Variants in ZKSCAN7 observed in about 807,000 individuals in gnomAD.
ZKSCAN7 encodes zinc finger protein with KRAB and SCAN domains 7.
Under a neutral mutation model 65.3 loss-of-function variants are expected in ZKSCAN7, and 38 were observed. The ratio of observed to expected loss-of-function variants is 0.58; its 90% CI spans 0.45 to 0.76. The LOEUF is 0.76. Ranked by LOEUF, ZKSCAN7 falls within the 30% of genes least tolerant of loss-of-function variation. ZKSCAN7 has a pLI of 0.00. For synonymous variants in ZKSCAN7, 321 were observed against 321.0 expected (o/e 1.00, Z 0.00); for missense variants, 815 against 913.3 (o/e 0.89, Z 1.39).
At position 44,571,219 on chromosome 3, in the gene ZKSCAN7, C is replaced by G; in HGVS notation, c.2109C>G (p.Ser703Arg). The change falls in exon 6 of 6, where the codon AGC becomes AGG. Residue 703 changes from serine (S) to arginine (R), a missense_variant. Coordinates refer to ENST00000426540, the MANE Select transcript of ZKSCAN7 (RefSeq NM_001288590.2). ...CNDCGKAFSD[S>R]SQLIVHQRVH... ...ATTGTGGGAAAGCTTTTAGTGACAG[C>G]TCACAGCTTATTGTACACCAGAGAG... is the stretch of plus-strand genomic sequence containing the variant. 1 of 1,614,118 alleles carries G rather than the reference C, an allele frequency of 6.2e-7. No individual in the cohort carries two copies. Among genetic ancestry groups the G allele is most frequent in the Non-Finnish European group, 8.5e-7 (1 of 1,180,028 alleles).
chr3:44,565,690 C>G, intron 3 of ZKSCAN7, 35 bp downstream of exon 3: 1 of 1,531,992 alleles, frequency 6.5e-7, no homozygotes, highest in Non-Finnish European at 8.8e-7. Context: ...TTAAGTCATG[C>G]CTCCCTTCTC....
intron 5 of ZKSCAN7, chr3:44,580,362 G>A: frequency 6.2e-7 from 1 of 1,609,280 alleles, no homozygotes; most frequent in South Asian, 1.1e-5. Context: ...GCTCTGGCTG[G>A]GACTCTGAGC....
intron 5 of ZKSCAN7, among the ~76,000 whole-genome samples, chr3:44,568,640 G>A (rs1387237267): frequency 6.6e-6 from 1 of 152,198 alleles, no homozygotes; most frequent in Admixed American, 6.5e-5. Flanking sequence ...ATATAGTGTG[G>A]TTTAGGTAGG....
At chr3:44,572,257 T>C (rs558725317), downstream of ZKSCAN7, 2 of 980,502 alleles carry the variant, frequency 2.0e-6, no homozygotes, top group South Asian at 9.4e-5. Flanking sequence ...CATCATAGAA[T>C]ATCACATACA....
At chr3:44,563,946 G>T (rs1278069671) in intron 2 of ZKSCAN7, among the ~76,000 whole-genome samples, 1 of 152,172 alleles carries the variant, frequency 6.6e-6, no homozygotes, top group Non-Finnish European at 1.5e-5. Context: ...AGAATCCAGG[G>T]AGCCTGCTGG....
chr3:44,583,199 A>T (rs1700130398), exon 6 of ZKSCAN7: 1 of 259,952 alleles, frequency 3.8e-6, no homozygotes, highest in Non-Finnish European at 7.6e-6. Context: ...AAGTGGTGGG[A>T]TTACAGGCGT....
In ZKSCAN7 at chr3:44,570,899, C is replaced by T. The variant is rs1203652815; in HGVS notation, c.1789C>T (p.His597Tyr). The change falls in exon 6 of 6, where the codon CAT (histidine) becomes TAT (tyrosine). Residue 597 changes from histidine to tyrosine, a missense_variant. Around this residue, in one of 3 missense-constraint regions of ZKSCAN7, gnomAD observed 578 missense variants for 629.5 expected, o/e 0.92. Coordinates refer to ENST00000426540, the MANE Select transcript of ZKSCAN7 (RefSeq NM_001288590.2). Reference protein sequence around the residue: ...AFNQNSQLIEHERIHTGEKPF... With the variant: ...AFNQNSQLIEYERIHTGEKPF... ...CAATCAGAACTCTCAACTCATTGAG[C>T]ATGAGCGAATTCATACTGGAGAAAA... The T allele has an allele frequency of 1.2e-6, 2 of 1,614,070 alleles. No homozygotes were observed. The highest frequency in any genetic ancestry group is 1.3e-5 in the African/African-American group (1 of 75,054).
At position 44,568,072 on chromosome 3, in the gene ZKSCAN7, C is replaced by T. The variant is rs547868313; in HGVS notation, c.684+69C>T. On this transcript the variant is annotated intron_variant, in intron 4 of 5. Transcript: ENST00000426540. ...GGTCCAAGAATGGCTAGAGGTCTCA[C>T]CCCCAGGACTCTGCCCCATCTAAGA... 923 of 1,069,226 alleles carry T rather than the reference C, an allele frequency of 8.6e-4. 10 individuals are homozygous for T. Among genetic ancestry groups the T allele is most frequent in the South Asian group, 8.0e-3 (515 of 64,484 alleles). The allele number at this position is 1,069,226 out of a possible 1,614,324, so 66.2% of individuals were successfully genotyped here.
intron 1 of ZKSCAN7, 23 bp from the exon 2 acceptor site, chr3:44,556,907 T>G: frequency 8.8e-7 from 1 of 1,135,898 alleles, no homozygotes. Context: ...CCAAGAACTC[T>G]GATTTCACTC....
chr3:44,572,258 A>G (rs1225450951), downstream of ZKSCAN7: 1 of 980,092 alleles, frequency 1.0e-6, no homozygotes, highest in Non-Finnish European at 1.2e-6. Flanking sequence ...ATCATAGAAT[A>G]TCACATACAG....
chr3:44,581,622 G>T (rs976743999), intron 5 of ZKSCAN7, among the ~76,000 whole-genome samples: 4 of 152,164 alleles, frequency 2.6e-5, no homozygotes, highest in Non-Finnish European at 4.4e-5. Flanking sequence ...ACGAAAAAAG[G>T]TATCAGTAAA....
rs1699810603 is a variant in ZKSCAN7, at chr3:44,571,546, CATT to C, written c.*176_*178del. ...GGAGTAACTTATTCCAGTTCTTACC[CATT>C]ATTAGGAAGGTAAGGACTACACATG... is the stretch of plus-strand genomic sequence containing the variant. On this transcript the variant is annotated 3_prime_UTR_variant, in exon 6 of 6. Transcript: ENST00000426540. 8.6e-6 allele frequency: 13 copies of C among 1,503,032 alleles called. No individual in the cohort carries two copies. In the South Asian group the frequency reaches 1.5e-4, roughly 18 times the overall value. 93.1% of individuals were successfully genotyped at this position (1,503,032 alleles called of 1,614,324 possible).
intron 2 of ZKSCAN7, among the ~76,000 whole-genome samples, chr3:44,561,583 C>A (rs1475216777): frequency 6.6e-6 from 1 of 152,168 alleles, no homozygotes; most frequent in Non-Finnish European, 1.5e-5. Flanking sequence ...AAGTCCCTTC[C>A]ACCTATGAGC....
chr3:44,556,660 G>A (rs949039206), intron 1 of ZKSCAN7, among the ~76,000 whole-genome samples: 2 of 152,206 alleles, frequency 1.3e-5, no homozygotes, highest in African/African-American at 4.8e-5. Flanking sequence ...TGGGTACTTG[G>A]GGTGAGTGGT....
intron 5 of ZKSCAN7, among the ~76,000 whole-genome samples, chr3:44,582,794 G>A (rs1700115093): frequency 6.6e-6 from 1 of 152,128 alleles, no homozygotes; most frequent in South Asian, 2.1e-4. Context: ...ACCAGATGTA[G>A]GGTTAGCAGC....
chr3:44,577,725 CT>C (rs1403898517), intron 5 of ZKSCAN7, among the ~76,000 whole-genome samples: 1 of 152,180 alleles, frequency 6.6e-6, no homozygotes, highest in African/African-American at 2.4e-5. Flanking sequence ...CGGAAAAAAG[CT>C]TTGATGAAGA....
intron 5 of ZKSCAN7, among the ~76,000 whole-genome samples, chr3:44,569,021 A>G (rs976115774): frequency 2.0e-5 from 3 of 152,192 alleles, no homozygotes; most frequent in Non-Finnish European, 4.4e-5. Context: ...GCGCCACTTC[A>G]GCTTCCATTG....
intron 5 of ZKSCAN7, chr3:44,578,393 G>A: frequency 6.2e-7 from 1 of 1,613,900 alleles, no homozygotes; most frequent in Non-Finnish European, 8.5e-7. Flanking sequence ...GCCGTCCCCA[G>A]TCAGCAGCGT....
intron 5 of ZKSCAN7, among the ~76,000 whole-genome samples, chr3:44,578,611 C>G (rs993402417): frequency 2.6e-5 from 4 of 152,210 alleles, no homozygotes; most frequent in African/African-American, 9.6e-5. Context: ...CCTCCAGGTA[C>G]TGGCGCCGCA....
Sources: gnomAD v4.1 joint callset for allele counts (sites outside exome capture counted in the v4.1 genomes callset) on GRCh38, gnomAD v4.1.1 for gene constraint, gnomAD v4.1.1 regional missense constraint, MANE v1.5 for transcripts, NCBI Gene and HGNC (gene_info 2026-07-23, HGNC 2026-07-21) for gene names.